The following NBAS variants were observed in gnomAD, a reference collection of about 807,000 sequenced individuals.
NBAS encodes NBAS subunit of NRZ tethering complex.
In NBAS, 219 loss-of-function variants were observed where a neutral mutation model predicts 302.5. The ratio of observed to expected loss-of-function variants is 0.72; its 90% confidence interval spans 0.65 to 0.81. The LOEUF is 0.81. Ranked by LOEUF, NBAS falls within the 30% of genes least tolerant of loss-of-function variation. The pLI is 0.00. For missense variants in NBAS, 2,932 were observed against 2,841.6 expected (o/e 1.03, Z -0.72); for synonymous variants, 1,118 against 1,021.6 (o/e 1.09, Z -1.80).
At chr2:14,854,147 T>A in the NBAS span, among the ~76,000 whole-genome samples, 1 of 148,562 alleles carries the variant, frequency 6.7e-6, no homozygotes, top group African/African-American at 2.5e-5. Flanking sequence ...GGAAACAACA[T>A]ACAAAAACCA....
chr2:14,823,592 A>G, the NBAS span, among the ~76,000 whole-genome samples: 1 of 152,204 alleles, frequency 6.6e-6, no homozygotes, highest in African/African-American at 2.4e-5. Context: ...ATGTCCCATT[A>G]CAACTCTCAG....
chr2:14,976,573 A>C, the NBAS span, among the ~76,000 whole-genome samples: 1 of 152,206 alleles, frequency 6.6e-6, no homozygotes, highest in Non-Finnish European at 1.5e-5. Context: ...GCCCACCTGT[A>C]ATGAGTTGAA....
chr2:14,788,408 A>T, the NBAS span, among the ~76,000 whole-genome samples: 1 of 151,922 alleles, frequency 6.6e-6, no homozygotes, highest in Non-Finnish European at 1.5e-5. Context: ...TGCTTTTTAG[A>T]GTTTCCAGTT....
intron 9 of NBAS, 104 bp downstream of exon 9, chr2:15,534,439 G>A: frequency 1.2e-6 from 1 of 854,916 alleles, no homozygotes; most frequent in Non-Finnish European, 2.0e-6. Context: ...CGCACAAGAG[G>A]AGGAAATTAA....
intron 44 of NBAS, among the ~76,000 whole-genome samples, chr2:15,263,733 C>A (rs984860933): frequency 2.0e-5 from 3 of 152,144 alleles, no homozygotes; most frequent in African/African-American, 7.2e-5. Context: ...TACTACGGGG[C>A]CTTTCCTGGC....
At chr2:15,416,690 C>T (rs1676950468) in intron 24 of NBAS, among the ~76,000 whole-genome samples, 1 of 151,716 alleles carries the variant, frequency 6.6e-6, no homozygotes, top group Non-Finnish European at 1.5e-5. Context: ...CCTGTAATCC[C>T]AGCTACTCGG....
chr2:14,839,101 C>T, the NBAS span, among the ~76,000 whole-genome samples: 17 of 151,934 alleles, frequency 1.1e-4, no homozygotes, highest in African/African-American at 4.1e-4. Context: ...CCACACAAAA[C>T]CAAAACCAAA....
At chr2:15,360,027 G>A (rs1013518267) in intron 32 of NBAS, among the ~76,000 whole-genome samples, 1 of 151,942 alleles carries the variant, frequency 6.6e-6, no homozygotes, top group Non-Finnish European at 1.5e-5. Context: ...GAATACTATG[G>A]GCAACTGGAA....
At chr2:15,299,247 G>A (rs1033712498) in intron 40 of NBAS, among the ~76,000 whole-genome samples, 1 of 152,226 alleles carries the variant, frequency 6.6e-6, no homozygotes, top group Non-Finnish European at 1.5e-5. Context: ...ATTGTGAAGA[G>A]TTAAATTACT....
chr2:15,392,653 T>A (rs1415635808), intron 28 of NBAS, among the ~76,000 whole-genome samples: 2 of 152,052 alleles, frequency 1.3e-5, no homozygotes, highest in African/African-American at 4.8e-5. Flanking sequence ...GACATCAGTG[T>A]TCATGGATTG....
intron 42 of NBAS, among the ~76,000 whole-genome samples, chr2:15,277,783 G>T (rs191549349): frequency 4.9e-4 from 74 of 152,286 alleles, no homozygotes; most frequent in African/African-American, 1.7e-3. Flanking sequence ...AAAAGAAAAA[G>T]TAAGGTATTT....
At chr2:15,266,798 G>A (rs1669096461) in intron 44 of NBAS, among the ~76,000 whole-genome samples, 1 of 151,994 alleles carries the variant, frequency 6.6e-6, no homozygotes, top group South Asian at 2.1e-4. Flanking sequence ...CCTCCTAGTT[G>A]TGACTCCTCT....
intron 29 of NBAS, among the ~76,000 whole-genome samples, chr2:15,382,357 G>A (rs924814244): frequency 3.3e-5 from 5 of 152,162 alleles, no homozygotes; most frequent in Non-Finnish European, 7.3e-5. Flanking sequence ...GGATATGAGA[G>A]TTCACATGAT....
chr2:15,546,857 C>A (rs1664142365), intron 6 of NBAS, among the ~76,000 whole-genome samples: 1 of 152,182 alleles, frequency 6.6e-6, no homozygotes, highest in South Asian at 2.1e-4. Context: ...CTGCTGGAAG[C>A]CAGAGGCAAC....
chr2:14,959,446 T>C, the NBAS span, among the ~76,000 whole-genome samples: 888 of 152,306 alleles, frequency 5.8e-3, 11 homozygotes, highest in African/African-American at 0.02. Flanking sequence ...TTTTGATCCA[T>C]TGTGGACCAG....
intron 28 of NBAS, 61 bp downstream of exon 28, chr2:15,394,166 A>G: frequency 1.3e-6 from 2 of 1,502,040 alleles, no homozygotes; most frequent in Non-Finnish European, 1.8e-6. Context: ...AGAAAAAGAG[A>G]AATACTTTTA....
intron 44 of NBAS, among the ~76,000 whole-genome samples, chr2:15,267,134 T>G (rs1338359739): frequency 1.3e-5 from 2 of 152,202 alleles, no homozygotes; most frequent in African/African-American, 4.8e-5. Context: ...CACATGGCAT[T>G]TATTAATATA....
chr2:14,780,994 T>C, the NBAS span, among the ~76,000 whole-genome samples: 1 of 152,224 alleles, frequency 6.6e-6, no homozygotes, highest in Non-Finnish European at 1.5e-5. Context: ...GACAATTCTA[T>C]TTAAAAATTT....
intron 40 of NBAS, among the ~76,000 whole-genome samples, chr2:15,297,127 G>C (rs1478175437): frequency 6.6e-6 from 1 of 152,174 alleles, no homozygotes; most frequent in African/African-American, 2.4e-5. Context: ...CAACTCTGTA[G>C]GACAGGCATC....
Sources: gnomAD v4.1 joint callset for allele counts (sites outside exome capture counted in the v4.1 genomes callset) on GRCh38, gnomAD v4.1.1 for gene constraint, MANE v1.5 for transcripts, NCBI Gene and HGNC (gene_info 2026-07-23, HGNC 2026-07-21) for gene names.